The following PCDHGA1 variants were observed in gnomAD, a reference collection of about 807,000 sequenced individuals.
PCDHGA1 encodes protocadherin gamma subfamily A, 1.
PCDHGA1 carries 32 observed loss-of-function variants against 58.0 expected under a neutral mutation model. That is an observed-to-expected ratio of 0.55 (90% confidence interval 0.42 to 0.74). The LOEUF (loss-of-function observed/expected upper bound fraction) is 0.74, where lower values mean the gene tolerates loss of function less well. Ranked by LOEUF, PCDHGA1 falls within the 30% of genes least tolerant of loss-of-function variation. The pLI is 0.00. For synonymous variants in PCDHGA1, 498 were observed against 501.1 expected, an observed-to-expected ratio of 0.99 and a Z score of 0.08; for missense variants, 1,205 against 1,182.3, an observed-to-expected ratio of 1.02 and a Z score of -0.28.
At chr5:141,423,660 G>A (rs765304048) in intron 1 of PCDHGA1, 1 of 1,560,482 alleles carries the variant, frequency 6.4e-7, no homozygotes, top group Admixed American at 1.9e-5. Flanking sequence ...CAAGTAATCA[G>A]GTGAGATTTA....
chr5:141,477,565 C>T lies in PCDHGA1; in HGVS notation c.2422-17242C>T, dbSNP rs1168703868. 3.1e-6 allele frequency: 5 copies of T among 1,614,146 alleles called. No homozygotes were observed. The highest frequency in any genetic ancestry group is 4.2e-6 in the Non-Finnish European group (5 of 1,180,030). On this transcript the variant is annotated intron_variant, in intron 1 of 3. Transcript: ENST00000517417. The surrounding 1 kb of genome is among the most constrained non-coding windows in gnomAD (Gnocchi z 4.9). ...CAATACTAAACCTAAGTGTCTGGGA[C>T]CCCGACGCCCCGCAGAATGCTCGGC... is the stretch of plus-strand genomic sequence containing the variant.
At chr5:141,344,856 G>A in intron 1 of PCDHGA1, 1 of 1,613,960 alleles carries the variant, frequency 6.2e-7, no homozygotes. Context: ...GGGATTCAAT[G>A]CTCAAGTGTC....
intron 1 of PCDHGA1, chr5:141,409,662 TCTC>T (rs1473145245): frequency 2.5e-6 from 4 of 1,613,562 alleles, no homozygotes; most frequent in Admixed American, 1.7e-5. Context: ...AATGGCCACA[TCTC>T]CTACTCTATA....
At chr5:141,340,973 A>G (rs1170878045) in intron 1 of PCDHGA1, 1 of 1,613,664 alleles carries the variant, frequency 6.2e-7, no homozygotes, top group African/African-American at 1.3e-5. Flanking sequence ...GGCCGACAGG[A>G]TCCCCGACAT....
At chr5:141,346,764 C>G (rs1757799860) in intron 1 of PCDHGA1, among the ~76,000 whole-genome samples, 1 of 152,222 alleles carries the variant, frequency 6.6e-6, no homozygotes, top group Non-Finnish European at 1.5e-5. Flanking sequence ...ACTGCTCCTT[C>G]TACCTGGGTC....
In PCDHGA1 at chr5:141,431,339, T is replaced by A. The variant is rs1374646530; in HGVS notation, c.2422-63468T>A. 7.4e-6 allele frequency: 12 copies of A among 1,613,942 alleles called. No homozygotes were observed. In the Admixed American group the frequency reaches 1.2e-4, roughly 16 times the overall value. ...AGCCGACGGTAGTAAGTACCCCGAA[T>A]TGGTGCTGAAACGCGCCCTGGACCG... On this transcript the variant is annotated intron_variant, in intron 1 of 3. Coordinates refer to ENST00000517417, the MANE Select transcript of PCDHGA1 (RefSeq NM_018912.3). This position sits in a 1 kb window ranked among gnomAD's most constrained non-coding sequence, Gnocchi z 4.8.
At chr5:141,394,592 G>T (rs754585576) in intron 1 of PCDHGA1, 1 of 1,613,760 alleles carries the variant, frequency 6.2e-7, no homozygotes, top group Non-Finnish European at 8.5e-7. Flanking sequence ...AGGTGGTGGC[G>T]GTGGACAGAG....
At chr5:141,375,200 G>A (rs755732164) in intron 1 of PCDHGA1, 3 of 1,613,940 alleles carry the variant, frequency 1.9e-6, no homozygotes, top group South Asian at 1.1e-5. Context: ...TCAAGTGTTC[G>A]ATCGAGACTC....
intron 1 of PCDHGA1, chr5:141,383,132 A>G: frequency 1.2e-6 from 2 of 1,614,110 alleles, no homozygotes; most frequent in Non-Finnish European, 1.7e-6. Context: ...TTCGCCCTGA[A>G]CCAGCGCAGC....
chr5:141,490,344 AGTGGGGTTGTTTAAT>A lies in PCDHGA1; in HGVS notation c.2422-4459_2422-4445del. The A allele has an allele frequency of 6.2e-7, 1 of 1,614,178 alleles. No individual in the cohort carries two copies. The highest frequency in any genetic ancestry group is 8.5e-7 in the Non-Finnish European group (1 of 1,180,030). ...TAGAGAGCACACCAGTGGGCACAGT[AGTGGGGTTGTTTAAT>A]GTGCGAGACCGGGACTCAGGTAGAA... On this transcript the variant is annotated intron_variant, in intron 1 of 3. Coordinates refer to ENST00000517417, the MANE Select transcript of PCDHGA1 (RefSeq NM_018912.3). This position sits in a 1 kb window ranked among gnomAD's most constrained non-coding sequence, Gnocchi z 5.4.
intron 3 of PCDHGA1, among the ~76,000 whole-genome samples, chr5:141,510,424 C>T (rs2154594619): frequency 6.6e-6 from 1 of 152,236 alleles, no homozygotes; most frequent in South Asian, 2.1e-4. Flanking sequence ...GCCATGGTTT[C>T]ATGGCTGCTG....
At chr5:141,356,064 A>G (rs1760093561) in intron 1 of PCDHGA1, 1 of 1,613,926 alleles carries the variant, frequency 6.2e-7, no homozygotes, top group Non-Finnish European at 8.5e-7. Context: ...GAGACAAAAT[A>G]TCACAGCTAT....
At chr5:141,366,602 TCCCTCACCGCGGA>T in intron 1 of PCDHGA1, 1 of 1,614,226 alleles carries the variant, frequency 6.2e-7, no homozygotes, top group Admixed American at 1.7e-5. Flanking sequence ...CCACGAGGTC[TCCCTCACCGCGGA>T]CTCGAGGAAG....
intron 1 of PCDHGA1, chr5:141,419,239 C>T (rs374093302): frequency 3.7e-6 from 6 of 1,614,008 alleles, no homozygotes; most frequent in East Asian, 2.2e-5. Context: ...ACCTGGTCCA[C>T]GTGCCAGAAA....
intron 1 of PCDHGA1, chr5:141,394,883 A>G (rs370442493): frequency 1.2e-6 from 2 of 1,611,604 alleles, no homozygotes; most frequent in African/African-American, 2.7e-5. Context: ...CGAGCCTTAC[A>G]CTCTATCTCG....
At chr5:141,339,859 A>G in intron 1 of PCDHGA1, 1 of 1,614,206 alleles carries the variant, frequency 6.2e-7, no homozygotes, top group Non-Finnish European at 8.5e-7. Context: ...AGCTTAAGTC[A>G]ACATCTGGAG....
chr5:141,389,726 C>G (rs150721796), intron 1 of PCDHGA1: 2 of 1,612,720 alleles, frequency 1.2e-6, no homozygotes, highest in Non-Finnish European at 1.7e-6. Flanking sequence ...AGCCCGGGCT[C>G]TTCAGCCTGG....
chr5:141,390,474 C>A, intron 1 of PCDHGA1: 1 of 688,724 alleles, frequency 1.5e-6, no homozygotes, highest in Non-Finnish European at 2.4e-6. Flanking sequence ...TTGTGTGGCC[C>A]AACATTTGTT....
chr5:141,498,673 T>C (rs1158071657), intron 2 of PCDHGA1, among the ~76,000 whole-genome samples: 1 of 152,180 alleles, frequency 6.6e-6, no homozygotes, highest in Non-Finnish European at 1.5e-5. Flanking sequence ...GGCTCACGCC[T>C]GTAATCCCAG....
Sources: gnomAD v4.1 joint callset for allele counts (sites outside exome capture counted in the v4.1 genomes callset) on GRCh38, gnomAD v4.1.1 for gene constraint, Gnocchi (gnomAD v3.1) non-coding constraint, MANE v1.5 for transcripts, NCBI Gene and HGNC (gene_info 2026-07-23, HGNC 2026-07-21) for gene names.